The following SCYL3 variants were observed in gnomAD, a reference collection of about 807,000 sequenced individuals.
SCYL3 encodes the protein protein-associating with the carboxyl-terminal domain of ezrin.
A neutral mutation model predicts 73.8 loss-of-function variants in SCYL3; 35 were observed. The observed-to-expected ratio is 0.47, with a 90% confidence interval of 0.36 to 0.63. The LOEUF (loss-of-function observed/expected upper bound fraction) is 0.63, where lower values mean the gene tolerates loss of function less well. SCYL3 is among the 20% of genes least tolerant of loss of function. The pLI is 0.00. For synonymous variants in SCYL3, 277 were observed against 295.2 expected (o/e 0.94, Z 0.63); for missense variants, 712 against 798.9 (o/e 0.89, Z 1.31).
At position 169,854,630 on chromosome 1, in the gene SCYL3, A is replaced by C. The variant is rs201750145; in HGVS notation, c.1647T>G (p.Pro549=). The C allele has an allele frequency of 4.3e-6, 7 of 1,614,100 alleles. No individual in the cohort carries two copies. In the East Asian group the frequency reaches 8.9e-5, roughly 21 times the overall value. Reference sequence around the variant, plus strand: ...ACTCTTCAGTGAGTGAAAGCAAAGCAGGAATAGGCTTCTGCTCCCCTGAGG... The same window carrying C: ...ACTCTTCAGTGAGTGAAAGCAAAGCCGGAATAGGCTTCTGCTCCCCTGAGG... ...PVTSGEQKPI[P]ALLSLTEESM... is the part of the protein sequence containing the mutation. The change falls in exon 12 of 13, where the codon CCT becomes CCG. Residue 549 remains proline (P), a synonymous_variant. Transcript: ENST00000367771.
chr1:169,865,022 ACCT>A (rs1659939188), intron 8 of SCYL3, among the ~76,000 whole-genome samples: 1 of 150,814 alleles, frequency 6.6e-6, no homozygotes, highest in South Asian at 2.1e-4. Flanking sequence ...TAGTCAGCAC[ACCT>A]CCAATTCACA....
At chr1:169,855,871 A>G (rs746926962) in intron 11 of SCYL3, 2 of 1,613,876 alleles carry the variant, frequency 1.2e-6, no homozygotes, top group Non-Finnish European at 1.7e-6. Flanking sequence ...CCAGAAAAGA[A>G]ACATTTAGGG....
chr1:169,884,383 C>T (rs1456890010), intron 2 of SCYL3, among the ~76,000 whole-genome samples: 3 of 152,140 alleles, frequency 2.0e-5, no homozygotes, highest in Non-Finnish European at 4.4e-5. Context: ...CTGCAACCTT[C>T]GCCTCCCAGG....
Position 169,851,772 on chromosome 1 carries a change from T to G in SCYL3, c.*1941A>C. On this transcript the variant is annotated 3_prime_UTR_variant, in exon 13 of 13. Coordinates refer to ENST00000367771, the MANE Select transcript of SCYL3 (RefSeq NM_020423.7). The stretch of plus-strand genomic sequence containing the variant: ...TGTGGCCATTTCATATCTAGTAGAG[T>G]GCTAACATGTTGCTATTTGCTTGGT... 1 of 1,600,148 alleles carries G rather than the reference T, an allele frequency of 6.2e-7. No homozygotes were observed. The highest frequency in any genetic ancestry group is 8.5e-7 in the Non-Finnish European group (1 of 1,173,084).
In SCYL3 at chr1:169,876,035, T is replaced by C; in HGVS notation, c.408A>G (p.Gly136=). The C allele has an allele frequency of 6.2e-7, 1 of 1,612,258 alleles. No individual in the cohort carries two copies. The highest frequency in any genetic ancestry group is 8.5e-7 in the Non-Finnish European group (1 of 1,179,282). ...CLSSVFVSED[G]HWKLGGMETV... is the part of the protein sequence containing the mutation. ...TTTCCATTCCTCCTAGCTTCCAGTGTCCATCTTCACTCACAAACACAGATG... is the reference window on the plus strand; with the variant it reads ...TTTCCATTCCTCCTAGCTTCCAGTGCCCATCTTCACTCACAAACACAGATG... The change falls in exon 4 of 13, where the codon GGA becomes GGG. Residue 136 remains glycine (G), a synonymous_variant. Coordinates refer to ENST00000367771, the MANE Select transcript of SCYL3 (RefSeq NM_020423.7).
At chr1:169,877,990 C>G (rs1660973607) in intron 3 of SCYL3, among the ~76,000 whole-genome samples, 2 of 151,982 alleles carry the variant, frequency 1.3e-5, no homozygotes, top group Non-Finnish European at 2.9e-5. Flanking sequence ...GGTGGACTGC[C>G]AAAGACCTTA....
At position 169,854,713 on chromosome 1, in the gene SCYL3, T is replaced by C; in HGVS notation, c.1564A>G (p.Ser522Gly). 6.2e-7 allele frequency: 1 copy of C among 1,614,092 alleles called. No individual in the cohort carries two copies. The highest frequency in any genetic ancestry group is 1.6e-4 in the Middle Eastern group (1 of 6,062). ...EESSWDDCEPSSLDTKVNPGG... is the reference protein window; with the variant it reads ...EESSWDDCEPGSLDTKVNPGG... Reference sequence around the variant, plus strand: ...GGGTTTACTTTAGTATCTAAGCTGCTGGGCTCGCAGTCATCCCAAGATGAC... The same window carrying C: ...GGGTTTACTTTAGTATCTAAGCTGCCGGGCTCGCAGTCATCCCAAGATGAC... Residue 522 changes from serine to glycine, a missense_variant, in exon 12 of 13, where the codon AGC (serine) becomes GGC (glycine). Ser to Gly is a moderately conservative substitution (Grantham distance 56, BLOSUM62 0). Around this residue, in one of 2 missense-constraint regions of SCYL3, gnomAD observed 370 missense variants for 350.8 expected, o/e 1.05. Transcript: ENST00000367771.
Position 169,851,906 on chromosome 1 carries a change from T to C in SCYL3, c.*1807A>G, listed in dbSNP as rs377477768. Reference sequence around the variant, plus strand: ...TCTGGGAACCCTTTGCTAATGTGACTGTAGAAGAAGCAAAGAGGTCATCTT... The same window carrying C: ...TCTGGGAACCCTTTGCTAATGTGACCGTAGAAGAAGCAAAGAGGTCATCTT... On this transcript the variant is annotated 3_prime_UTR_variant, in exon 13 of 13. Transcript: ENST00000367771. 6.2e-7 allele frequency: 1 copy of C among 1,614,096 alleles called. No individual in the cohort carries two copies.
chr1:169,868,960 C>G lies in SCYL3; in HGVS notation c.705G>C (p.Ala235=), dbSNP rs753502380. ...LLNPIPKCRP[A]LCTLLSHDFF... ...AGTCATGAGATAGTAAGGTGCAGAG[C>G]GCTGGCCGACATTTTGGAATGGGAT... The change falls in exon 7 of 13, where the codon GCG becomes GCC. Residue 235 remains alanine, a synonymous_variant. Coordinates refer to ENST00000367771, the MANE Select transcript of SCYL3 (RefSeq NM_020423.7). 6.2e-7 allele frequency: 1 copy of G among 1,614,070 alleles called. No individual in the cohort carries two copies. Among genetic ancestry groups the G allele is most frequent in the South Asian group, 1.1e-5 (1 of 91,066 alleles).
chr1:169,851,874 G>C lies in SCYL3; in HGVS notation c.*1839C>G. ...AGTGGAACGTGTGAAACAGGAAAAAGGTATTTTCTGGGAACCCTTTGCTAA... is the reference window on the plus strand; with the variant it reads ...AGTGGAACGTGTGAAACAGGAAAAACGTATTTTCTGGGAACCCTTTGCTAA... On this transcript the variant is annotated 3_prime_UTR_variant, in exon 13 of 13. Transcript: ENST00000367771. 1 of 1,614,014 alleles carries C rather than the reference G, an allele frequency of 6.2e-7. No individual in the cohort carries two copies. Among genetic ancestry groups the C allele is most frequent in the South Asian group, 1.1e-5 (1 of 91,074 alleles).
Position 169,852,611 on chromosome 1 carries a change from A to T in SCYL3, c.*1102T>A, listed in dbSNP as rs368004030. 2 of 629,834 alleles carry T rather than the reference A, an allele frequency of 3.2e-6. No homozygotes were observed. The highest frequency in any genetic ancestry group is 2.7e-6 in the Non-Finnish European group (1 of 366,002). 39.0% of individuals were successfully genotyped at this position (629,834 alleles called of 1,614,324 possible). A position where few individuals can be genotyped will look rare whatever the true frequency, so the allele number is the denominator to read the frequency against. ...AGTAGCACTCTGAATTGCTATGATAAACCAAAATGCCTTTACATATTTTTC... is the reference window on the plus strand; with the variant it reads ...AGTAGCACTCTGAATTGCTATGATATACCAAAATGCCTTTACATATTTTTC... On this transcript the variant is annotated 3_prime_UTR_variant, in exon 13 of 13. Transcript: ENST00000367771.
chr1:169,892,071 T>C (rs10919267), intron 1 of SCYL3, among the ~76,000 whole-genome samples: 39,148 of 152,108 alleles, frequency 0.26, 5,305 homozygotes, highest in Middle Eastern at 0.31. Flanking sequence ...AGAAGTCCAC[T>C]GATACCATCA....
At chr1:169,867,012 T>G (rs753592131) in intron 7 of SCYL3, 39 bp from the exon 8 acceptor site, 28 of 1,148,566 alleles carry the variant, frequency 2.4e-5, no homozygotes, top group South Asian at 2.1e-4. Context: ...CAGAACAGAT[T>G]AGAGAATGTT....
At chr1:169,862,066 C>T (rs1486022513) in intron 10 of SCYL3, among the ~76,000 whole-genome samples, 1 of 152,222 alleles carries the variant, frequency 6.6e-6, no homozygotes, top group Non-Finnish European at 1.5e-5. Context: ...GTCCTGTTGA[C>T]ACCCTGGTTT....
At chr1:169,886,564 A>G (rs1300585949) in intron 2 of SCYL3, among the ~76,000 whole-genome samples, 2 of 152,220 alleles carry the variant, frequency 1.3e-5, no homozygotes, top group Non-Finnish European at 2.9e-5. Context: ...TCCTGGCATA[A>G]AGACACTCAA....
intron 3 of SCYL3, among the ~76,000 whole-genome samples, chr1:169,877,473 A>G (rs903186107): frequency 1.3e-5 from 2 of 152,242 alleles, no homozygotes; most frequent in Admixed American, 6.5e-5. Flanking sequence ...AGCACTTTAA[A>G]TATTCTACCC....
Position 169,873,757 on chromosome 1 carries a change from A to T in SCYL3, c.466-5T>A. 6.3e-7 allele frequency: 1 copy of T among 1,592,584 alleles called. No homozygotes were observed. Among genetic ancestry groups the T allele is most frequent in the Non-Finnish European group, 8.6e-7 (1 of 1,161,894 alleles). Reference sequence around the variant, plus strand: ...TGACTGAATACTCCTCAGAAACTAGACAGAGAAATAAATTAAAGAAAATGA... The same window carrying T: ...TGACTGAATACTCCTCAGAAACTAGTCAGAGAAATAAATTAAAGAAAATGA... On this transcript the variant is annotated splice_region_variant and splice_polypyrimidine_tract_variant and intron_variant, in intron 4 of 12. Transcript: ENST00000367771.
At chr1:169,878,523 C>T in intron 3 of SCYL3, 111 bp downstream of exon 3, 1 of 983,230 alleles carries the variant, frequency 1.0e-6, no homozygotes, top group East Asian at 2.7e-5. Flanking sequence ...AATAATAACA[C>T]TTAACTTACA....
chr1:169,887,179 C>T (rs1391261204), intron 2 of SCYL3, among the ~76,000 whole-genome samples: 1 of 152,134 alleles, frequency 6.6e-6, no homozygotes, highest in Non-Finnish European at 1.5e-5. Flanking sequence ...TTCAAAGCCA[C>T]AGAATGGCTT....
Sources: gnomAD v4.1 joint callset for allele counts (sites outside exome capture counted in the v4.1 genomes callset) on GRCh38, gnomAD v4.1.1 for gene constraint, gnomAD v4.1.1 regional missense constraint, MANE v1.5 for transcripts, NCBI Gene and HGNC (gene_info 2026-07-23, HGNC 2026-07-21) for gene names.